Variants in EFNA5 observed in about 807,000 individuals in gnomAD.
EFNA5 encodes ephrin A5.
In EFNA5, 5 loss-of-function variants were observed where a neutral mutation model predicts 22.9. The observed-to-expected ratio is 0.22, with a 90% CI of 0.11 to 0.46. The LOEUF (loss-of-function observed/expected upper bound fraction) is 0.46. Among genes scored for constraint, EFNA5 ranks in the 20% least tolerant of loss-of-function variants. EFNA5 has a pLI of 0.99. For missense variants in EFNA5, 237 were observed against 293.3 expected, an observed-to-expected ratio of 0.81 and a Z score of 1.40; for synonymous variants, 113 against 112.2, an observed-to-expected ratio of 1.01 and a Z score of -0.04.
intron 1 of EFNA5, among the ~76,000 whole-genome samples, chr5:107,530,108 C>T (rs962623894): frequency 7.9e-5 from 12 of 152,160 alleles, no homozygotes; most frequent in Admixed American, 3.9e-4. Context: ...GAAGCAGTAA[C>T]GACCAACTTC....
intron 1 of EFNA5, among the ~76,000 whole-genome samples, chr5:107,619,753 C>T (rs531515696): frequency 2.0e-5 from 3 of 152,186 alleles, no homozygotes; most frequent in African/African-American, 4.8e-5. Flanking sequence ...TGAGCCACCA[C>T]GCCTAGCCTA....
At chr5:107,495,899 A>T (rs1317954741) in intron 1 of EFNA5, among the ~76,000 whole-genome samples, 1 of 152,104 alleles carries the variant, frequency 6.6e-6, no homozygotes, top group Non-Finnish European at 1.5e-5. Context: ...TAGTTTCTGT[A>T]GTCAAAGGCA....
At chr5:107,566,668 G>T (rs1264922014) in intron 1 of EFNA5, among the ~76,000 whole-genome samples, 1 of 152,156 alleles carries the variant, frequency 6.6e-6, no homozygotes, top group Non-Finnish European at 1.5e-5. Context: ...CTTAAAAAAA[G>T]ACTCCTGGCT....
chr5:107,656,880 C>A (rs1026658312), intron 1 of EFNA5, among the ~76,000 whole-genome samples: 1 of 152,028 alleles, frequency 6.6e-6, no homozygotes, highest in Non-Finnish European at 1.5e-5. Context: ...TTTTAACAGA[C>A]AAGTGACAAA....
At chr5:107,480,161 C>G (rs1001380355) in intron 1 of EFNA5, among the ~76,000 whole-genome samples, 2 of 152,080 alleles carry the variant, frequency 1.3e-5, no homozygotes, top group African/African-American at 4.8e-5. Context: ...TCACAAAGCT[C>G]TAGTTAAAAT....
At chr5:107,511,043 A>T (rs199926285) in intron 1 of EFNA5, among the ~76,000 whole-genome samples, 20,556 of 92,402 alleles carry the variant, frequency 0.22, 1,675 homozygotes, top group Non-Finnish European at 0.26. Context: ...TGTGTGTGTG[A>T]GACGGAGAGT....
intron 1 of EFNA5, among the ~76,000 whole-genome samples, chr5:107,626,279 T>C (rs766163309): frequency 4.6e-5 from 7 of 152,130 alleles, no homozygotes; most frequent in Non-Finnish European, 1.0e-4. Flanking sequence ...TTTTTTTTCT[T>C]ACTATTTTTT....
intron 1 of EFNA5, among the ~76,000 whole-genome samples, chr5:107,624,352 T>C (rs1750102024): frequency 6.6e-6 from 1 of 152,168 alleles, no homozygotes; most frequent in African/African-American, 2.4e-5. Context: ...TTTCATTCTT[T>C]CACTACATGA....
At chr5:107,449,189 A>G (rs2112444319) in intron 1 of EFNA5, among the ~76,000 whole-genome samples, 1 of 152,296 alleles carries the variant, frequency 6.6e-6, no homozygotes, top group Middle Eastern at 3.4e-3. Flanking sequence ...GAACACTGAG[A>G]CTACGGCTAA....
chr5:107,396,507 A>C (rs1413168150), intron 2 of EFNA5, among the ~76,000 whole-genome samples: 1 of 152,198 alleles, frequency 6.6e-6, no homozygotes, highest in Non-Finnish European at 1.5e-5. Flanking sequence ...ATCCCTAAGC[A>C]GGGGGCACCC....
intron 1 of EFNA5, among the ~76,000 whole-genome samples, chr5:107,637,842 TTTA>T (rs906126733): frequency 2.0e-5 from 3 of 150,096 alleles, no homozygotes; most frequent in Admixed American, 6.7e-5. Context: ...TTTATTTTTA[TTTA>T]TTTATTTATT....
chr5:107,660,675 CTGA>C (rs1181466936), intron 1 of EFNA5, among the ~76,000 whole-genome samples: 1 of 152,042 alleles, frequency 6.6e-6, no homozygotes, highest in Non-Finnish European at 1.5e-5. Flanking sequence ...GCTACATTCT[CTGA>C]TGTTTAATTT....
At chr5:107,461,971 C>T (rs1749847003) in intron 1 of EFNA5, among the ~76,000 whole-genome samples, 1 of 152,168 alleles carries the variant, frequency 6.6e-6, no homozygotes, top group South Asian at 2.1e-4. Flanking sequence ...TCAGGCTACA[C>T]ATTAACTAAA....
At chr5:107,481,816 C>T (rs1750471074) in intron 1 of EFNA5, among the ~76,000 whole-genome samples, 1 of 147,304 alleles carries the variant, frequency 6.8e-6, no homozygotes, top group South Asian at 2.1e-4. Context: ...CCCCATTGCA[C>T]TGCAGCCTGG....
At chr5:107,641,709 C>T (rs897622700) in intron 1 of EFNA5, among the ~76,000 whole-genome samples, 5 of 152,130 alleles carry the variant, frequency 3.3e-5, no homozygotes, top group African/African-American at 9.7e-5. Flanking sequence ...AATTAAATTT[C>T]ATTTTAAAGT....
intron 1 of EFNA5, among the ~76,000 whole-genome samples, chr5:107,482,591 T>C (rs986588862): frequency 6.6e-6 from 1 of 151,982 alleles, no homozygotes; most frequent in African/African-American, 2.4e-5. Context: ...GTTGCCAGAG[T>C]GCTCTGAGCA....
chr5:107,471,229 CT>C (rs1054575058), intron 1 of EFNA5, among the ~76,000 whole-genome samples: 8 of 152,160 alleles, frequency 5.3e-5, no homozygotes, highest in African/African-American at 1.9e-4. Flanking sequence ...TCCCAGGACT[CT>C]TCTGTAACCT....
chr5:107,607,326 C>T (rs1015669760), intron 1 of EFNA5, among the ~76,000 whole-genome samples: 17 of 152,128 alleles, frequency 1.1e-4, no homozygotes, highest in Non-Finnish European at 5.9e-5. Flanking sequence ...AATAAAACGG[C>T]GAGTAGGCTA....
intron 1 of EFNA5, among the ~76,000 whole-genome samples, chr5:107,574,997 C>A (rs1748897432): frequency 6.6e-6 from 1 of 152,198 alleles, no homozygotes; most frequent in African/African-American, 2.4e-5. Context: ...TGGGAAGAAG[C>A]CACAGCAGAG....
Sources: allele counts gnomAD v4.1 joint callset (sites outside exome capture counted in the v4.1 genomes callset), GRCh38; gene constraint gnomAD v4.1.1; transcripts MANE v1.5; gene names NCBI Gene and HGNC (gene_info 2026-07-23, HGNC 2026-07-21).